Variants in BRMS1L observed in about 807,000 individuals in gnomAD.
BRMS1L encodes BRMS1 like transcriptional repressor.
BRMS1L carries 23 observed loss-of-function variants against 50.3 expected under a neutral mutation model. The observed-to-expected ratio is 0.46, with a 90% CI of 0.33 to 0.65. BRMS1L has a LOEUF of 0.65. Among genes scored for constraint, BRMS1L ranks in the 30% least tolerant of loss-of-function variants. BRMS1L has a pLI of 0.02. For synonymous variants in BRMS1L, 114 were observed against 126.9 expected (o/e 0.90, Z 0.69); for missense variants, 286 against 386.1 (o/e 0.74, Z 2.17).
At chr14:35,854,443 C>T (rs1296627954) in intron 4 of BRMS1L, among the ~76,000 whole-genome samples, 6 of 152,110 alleles carry the variant, frequency 3.9e-5, no homozygotes, top group East Asian at 1.9e-4. Flanking sequence ...TCTCACTGGC[C>T]GCATTTGAGC....
intron 5 of BRMS1L, 67 bp downstream of exon 5, chr14:35,862,753 T>TCGTA (rs1456097481): frequency 9.8e-7 from 1 of 1,021,618 alleles, no homozygotes; most frequent in Non-Finnish European, 1.4e-6. Flanking sequence ...TAGTGTCATA[T>TCGTA]CGTATCTCAG....
intron 1 of BRMS1L, among the ~76,000 whole-genome samples, chr14:35,830,916 G>A (rs2077911595): frequency 6.7e-6 from 1 of 148,270 alleles, no homozygotes; most frequent in South Asian, 2.2e-4. Context: ...ATACTCATCT[G>A]TATTTTAGAT....
At chr14:35,847,288 A>AT (rs1318095142) in intron 4 of BRMS1L, among the ~76,000 whole-genome samples, 3 of 151,638 alleles carry the variant, frequency 2.0e-5, no homozygotes, top group South Asian at 2.1e-4. Context: ...ATCTCTTTGT[A>AT]TTTTTATTTC....
intron 8 of BRMS1L, 103 bp from the exon 9 acceptor site, chr14:35,867,803 T>A: frequency 8.7e-7 from 1 of 1,152,294 alleles, no homozygotes; most frequent in Non-Finnish European, 1.1e-6. Flanking sequence ...TTTTTAGGCC[T>A]TTTTTACATA....
At chr14:35,834,265 C>G (rs916981703) in intron 3 of BRMS1L, among the ~76,000 whole-genome samples, 5 of 152,120 alleles carry the variant, frequency 3.3e-5, no homozygotes, top group African/African-American at 7.2e-5. Flanking sequence ...CTATTTTATA[C>G]TATTGTCCTG....
chr14:35,867,848 C>A, intron 8 of BRMS1L, 58 bp from the exon 9 acceptor site: 1 of 1,481,374 alleles, frequency 6.8e-7, no homozygotes, highest in South Asian at 1.5e-5. Flanking sequence ...ATGTTCTGAC[C>A]CTTTGTTCTT....
intron 5 of BRMS1L, among the ~76,000 whole-genome samples, chr14:35,863,334 T>A (rs2078377608): frequency 6.6e-6 from 1 of 152,150 alleles, no homozygotes. Flanking sequence ...ACAGAAAGGT[T>A]TTTTGCATTG....
In BRMS1L at chr14:35,842,082, G is replaced by A. The variant is rs560614415; in HGVS notation, c.441+7159G>A. ...TTTGAGCTTATGTGTTTCTTTGCAC[G>A]TGAGATGCGTCTCCTGAATACAGCA... On this transcript the variant is annotated intron_variant, in intron 4 of 9. Transcript: ENST00000216807. Among the ~76,000 whole-genome samples the A allele has an allele frequency of 3.1e-4, 46 of 147,828 alleles. 1 individual carries two copies. In the Middle Eastern group the frequency reaches 0.021, roughly 69 times the overall value.
At chr14:35,835,353 A>T (rs2077977545) in intron 4 of BRMS1L, among the ~76,000 whole-genome samples, 1 of 152,218 alleles carries the variant, frequency 6.6e-6, no homozygotes, top group Non-Finnish European at 1.5e-5. Context: ...TGGGAAAAAA[A>T]ATAGGTATAT....
chr14:35,861,835 C>T (rs2078355671), intron 4 of BRMS1L, among the ~76,000 whole-genome samples: 1 of 152,182 alleles, frequency 6.6e-6, no homozygotes, highest in Non-Finnish European at 1.5e-5. Flanking sequence ...ATCCAATTAT[C>T]TAATATCCTT....
chr14:35,849,051 T>C (rs1401063559), intron 4 of BRMS1L, among the ~76,000 whole-genome samples: 1 of 152,196 alleles, frequency 6.6e-6, no homozygotes, highest in Non-Finnish European at 1.5e-5. Context: ...AGACAGAATC[T>C]CACTGTGTTG....
At chr14:35,865,978 T>G (rs1594350157) in intron 8 of BRMS1L, 1 of 503,192 alleles carries the variant, frequency 2.0e-6, no homozygotes. Context: ...AGCTACATTC[T>G]TATTGCTAAT....
chr14:35,828,817 G>GT (rs1272201775), intron 1 of BRMS1L, among the ~76,000 whole-genome samples: 27 of 152,296 alleles, frequency 1.8e-4, no homozygotes, highest in African/African-American at 6.3e-4. Context: ...AAATGGAAAT[G>GT]TGACATTGGA....
rs780984053 is a variant in BRMS1L, at chr14:35,828,471, CT to C, written c.142+1832del. Among the ~76,000 whole-genome samples the C allele has an allele frequency of 1.5e-3, 148 of 99,272 alleles. 1 individual carries two copies. Among genetic ancestry groups the C allele is most frequent in the South Asian group, 3.4e-3 (10 of 2,920 alleles). The allele number at this position is 99,272 out of a possible 152,430, so 65.1% of individuals were successfully genotyped here. A position where few individuals can be genotyped will look rare whatever the true frequency, so the allele number is the denominator to read the frequency against. Reference sequence around the variant, plus strand: ...ACAGGCATGAGCTACCATTCCCAGCCTTTTTTTTTTTTTTTTTTTGAGAAGG... The same window carrying C: ...ACAGGCATGAGCTACCATTCCCAGCCTTTTTTTTTTTTTTTTTTGAGAAGG... On this transcript the variant is annotated intron_variant, in intron 1 of 9. Transcript: ENST00000216807.
chr14:35,853,919 T>C (rs1306527916), intron 4 of BRMS1L, among the ~76,000 whole-genome samples: 16 of 152,192 alleles, frequency 1.1e-4, no homozygotes, highest in Admixed American at 1.0e-3. Flanking sequence ...ATAATTGCCT[T>C]AAATTTTCAG....
intron 4 of BRMS1L, among the ~76,000 whole-genome samples, chr14:35,835,832 G>A (rs1486569443): frequency 6.6e-6 from 1 of 152,098 alleles, no homozygotes; most frequent in African/African-American, 2.4e-5. Context: ...GTAACAGAGT[G>A]TCACCCTGTC....
chr14:35,862,515 A>G (rs1235285329), intron 4 of BRMS1L, 75 bp from the exon 5 acceptor site: 3 of 826,480 alleles, frequency 3.6e-6, no homozygotes, highest in African/African-American at 3.5e-5. Context: ...AAGTACTTTA[A>G]GTTATTTGGT....
intron 4 of BRMS1L, among the ~76,000 whole-genome samples, chr14:35,858,215 C>G (rs11625827): frequency 5.3e-5 from 8 of 152,106 alleles, no homozygotes; most frequent in Non-Finnish European, 1.0e-4. Flanking sequence ...GTTTTCTCTG[C>G]GATCAAACTT....
chr14:35,846,470 G>A (rs1025135549), intron 4 of BRMS1L, among the ~76,000 whole-genome samples: 2 of 150,698 alleles, frequency 1.3e-5, no homozygotes, highest in African/African-American at 4.9e-5. Context: ...TGTCTTTTTA[G>A]TCTCCTTCAG....
Sources: allele counts gnomAD v4.1 joint callset (sites outside exome capture counted in the v4.1 genomes callset), GRCh38; gene constraint gnomAD v4.1.1; transcripts MANE v1.5; gene names NCBI Gene and HGNC (gene_info 2026-07-23, HGNC 2026-07-21).